The following RNF157 variants were observed in gnomAD, a reference collection of about 807,000 sequenced individuals.
The protein encoded by RNF157 is ring finger protein 157.
A neutral mutation model predicts 88.3 loss-of-function variants in RNF157; 55 were observed. The ratio of observed to expected loss-of-function variants is 0.62; its 90% CI spans 0.50 to 0.78. The LOEUF (loss-of-function observed/expected upper bound fraction) is 0.78, where lower values mean the gene tolerates loss of function less well. Among genes scored for constraint, RNF157 ranks in the 30% least tolerant of loss-of-function variants. The probability of loss-of-function intolerance (pLI) is 0.00; values close to 1 mark genes in which losing one functional copy is unlikely to be tolerated. For synonymous variants in RNF157, 334 were observed against 341.2 expected (o/e 0.98, Z 0.23); for missense variants, 788 against 860.8 (o/e 0.92, Z 1.06).
chr17:76,192,633 A>G (rs1328360865), intron 2 of RNF157, among the ~76,000 whole-genome samples: 3 of 152,200 alleles, frequency 2.0e-5, no homozygotes, highest in Non-Finnish European at 4.4e-5. Context: ...CTCACAAAAT[A>G]ACTGAAAAAC....
chr17:76,197,728 G>A (rs2069501162), intron 2 of RNF157, among the ~76,000 whole-genome samples: 1 of 152,082 alleles, frequency 6.6e-6, no homozygotes, highest in Non-Finnish European at 1.5e-5. Flanking sequence ...ACCATGCCAG[G>A]CTGCTTTGGC....
rs1041832499 is a variant in RNF157 at position 76,223,080 on chromosome 17, C to T, written c.89-10598G>A. Among the ~76,000 whole-genome samples, 5 of 151,694 alleles carry T rather than the reference C, an allele frequency of 3.3e-5. No homozygotes were observed. The East Asian group carries it at 9.7e-4, about 29-fold the overall frequency. On this transcript the variant is annotated intron_variant, in intron 1 of 18. Transcript: ENST00000269391. ...TAATTTTTTGTATTTTTAGTAGAGA[C>T]GGGGTTTCACCGTGTTAGCCAGGAT...
rs999822059 is a variant in RNF157 at position 76,145,499 on chromosome 17, C to CACACA, written c.1922-147_1922-146insTGTGT. The stretch of plus-strand genomic sequence containing the variant: ...CGATGACGGTGCGAGCCACAGCACT[C>CACACA]GTGTGTGAGAACGGAGAGAAGCAGG... On this transcript the variant is annotated intron_variant, in intron 18 of 18. Coordinates refer to ENST00000269391, the MANE Select transcript of RNF157 (RefSeq NM_052916.3). The CACACA allele has an allele frequency of 1.6e-4, 97 of 604,408 alleles. No individual in the cohort carries two copies. The African/African-American group carries it at 1.7e-3, about 11-fold the overall frequency. The allele number at this position is 604,408 out of a possible 1,614,324, so 37.4% of individuals were successfully genotyped here. A position where few individuals can be genotyped will look rare whatever the true frequency, so the allele number is the denominator to read the frequency against.
At chr17:76,186,616 A>C (rs2069293451) in intron 2 of RNF157, among the ~76,000 whole-genome samples, 1 of 152,102 alleles carries the variant, frequency 6.6e-6, no homozygotes. Flanking sequence ...TGGAAGGAAA[A>C]TATGCTCTGA....
rs80272219 is a variant in RNF157 at position 76,175,371 on chromosome 17, G to C, written c.208-1581C>G. Among the ~76,000 whole-genome samples, 427 of 152,184 alleles carry C rather than the reference G, an allele frequency of 2.8e-3. 4 individuals are homozygous for C. Among genetic ancestry groups the C allele is most frequent in the African/African-American group, 9.8e-3 (407 of 41,520 alleles). The stretch of plus-strand genomic sequence containing the variant: ...ACAAATTCCTAGAAGTGGAATTACA[G>C]GATCAAAGAGTAAGCATATTTTTAA... On this transcript the variant is annotated intron_variant, in intron 2 of 18. Transcript: ENST00000269391.
In RNF157 at chr17:76,166,559, A is replaced by C. The variant is rs79929195; in HGVS notation, c.562-32T>G. The C allele has an allele frequency of 2.4e-3, 3,721 of 1,579,060 alleles. 70 individuals carry two copies. The African/African-American group carries it at 0.042, about 18-fold the overall frequency. On this transcript the variant is annotated intron_variant, in intron 5 of 18. Coordinates refer to ENST00000269391, the MANE Select transcript of RNF157 (RefSeq NM_052916.3). ...GGAAAGAAAAGGAAAGGAAAAAAAAAGAGGACTTAACACATTTACATGGCA... is the reference window on the plus strand; with the variant it reads ...GGAAAGAAAAGGAAAGGAAAAAAAACGAGGACTTAACACATTTACATGGCA...
intron 2 of RNF157, among the ~76,000 whole-genome samples, chr17:76,181,637 C>A (rs972350676): frequency 6.6e-6 from 1 of 152,006 alleles, no homozygotes; most frequent in Non-Finnish European, 1.5e-5. Flanking sequence ...TGGTCGGGTG[C>A]GGTGGCTCAC....
intron 2 of RNF157, among the ~76,000 whole-genome samples, chr17:76,193,635 C>T (rs2069423132): frequency 1.3e-5 from 2 of 151,580 alleles, no homozygotes; most frequent in South Asian, 2.1e-4. Context: ...AAATGGAAGA[C>T]ACTGTCTAAG....
chr17:76,209,358 C>G (rs1414636725), intron 2 of RNF157, among the ~76,000 whole-genome samples: 1 of 152,236 alleles, frequency 6.6e-6, no homozygotes, highest in Non-Finnish European at 1.5e-5. Context: ...GCATAAACTT[C>G]AAGTTGAACC....
chr17:76,162,067 A>C, intron 9 of RNF157, 65 bp from the exon 10 acceptor site: 1 of 1,522,864 alleles, frequency 6.6e-7, no homozygotes, highest in Non-Finnish European at 9.0e-7. Context: ...CTTTACTGAC[A>C]AGGCAGCGTG....
At chr17:76,216,316 C>A (rs1254191686) in intron 1 of RNF157, among the ~76,000 whole-genome samples, 1 of 152,022 alleles carries the variant, frequency 6.6e-6, no homozygotes, top group African/African-American at 2.4e-5. Context: ...GAGAGAGGAC[C>A]CCTAATGATT....
At chr17:76,238,745 C>T (rs553075374) in intron 1 of RNF157, among the ~76,000 whole-genome samples, 58 of 152,268 alleles carry the variant, frequency 3.8e-4, no homozygotes, top group African/African-American at 1.3e-3. Context: ...TTCCTCATGC[C>T]GCCCTAAGAA....
chr17:76,158,248 C>T (rs2068795070), intron 13 of RNF157, 145 bp downstream of exon 13: 2 of 664,036 alleles, frequency 3.0e-6, no homozygotes, highest in Non-Finnish European at 5.5e-6. Flanking sequence ...ATGCATGAAT[C>T]CAGTGAAACC....
chr17:76,234,062 C>T (rs1264623872), intron 1 of RNF157, among the ~76,000 whole-genome samples: 1 of 152,220 alleles, frequency 6.6e-6, no homozygotes, highest in Non-Finnish European at 1.5e-5. Context: ...TGCGCCACTG[C>T]CACTAATCTA....
intron 3 of RNF157, among the ~76,000 whole-genome samples, chr17:76,172,380 T>G (rs1296764928): frequency 6.6e-6 from 1 of 151,036 alleles, no homozygotes; most frequent in Admixed American, 6.6e-5. Context: ...TCACCTGAGG[T>G]TGGGAGTTCA....
chr17:76,192,815 T>A (rs1233460564), intron 2 of RNF157, among the ~76,000 whole-genome samples: 1 of 151,834 alleles, frequency 6.6e-6, no homozygotes, highest in African/African-American at 2.4e-5. Context: ...ACACAGGTTC[T>A]TGTTTCAGCT....
chr17:76,174,399 G>A (rs971653577), intron 2 of RNF157, among the ~76,000 whole-genome samples: 3 of 152,150 alleles, frequency 2.0e-5, no homozygotes, highest in East Asian at 1.9e-4. Context: ...TTTACCATCC[G>A]CTTCTTCCCC....
chr17:76,238,354 A>G (rs1489725903), intron 1 of RNF157, among the ~76,000 whole-genome samples: 1 of 152,250 alleles, frequency 6.6e-6, no homozygotes, highest in Non-Finnish European at 1.5e-5. Context: ...ACTTGCTATA[A>G]AGACTTCTCT....
intron 1 of RNF157, among the ~76,000 whole-genome samples, chr17:76,235,067 A>G (rs888136785): frequency 6.6e-6 from 1 of 152,202 alleles, no homozygotes; most frequent in Non-Finnish European, 1.5e-5. Context: ...CATTATAGTA[A>G]TTATATGCAT....
Sources: allele counts gnomAD v4.1 joint callset (sites outside exome capture counted in the v4.1 genomes callset), GRCh38; gene constraint gnomAD v4.1.1; transcripts MANE v1.5; gene names NCBI Gene and HGNC (gene_info 2026-07-23, HGNC 2026-07-21).